Variants in SH3RF1 observed in about 807,000 individuals in gnomAD.
SH3RF1 encodes SH3 domain containing ring finger 1.
Under a neutral mutation model 74.0 loss-of-function variants are expected in SH3RF1, and 32 were observed. That is an observed-to-expected ratio of 0.43 (90% confidence interval 0.33 to 0.58). SH3RF1 has a LOEUF of 0.58. SH3RF1 is among the 20% of genes least tolerant of loss of function. SH3RF1 has a pLI of 0.05. For missense variants in SH3RF1, 954 were observed against 1,130.9 expected, an observed-to-expected ratio of 0.84 and a Z score of 2.24; for synonymous variants, 396 against 439.6, an observed-to-expected ratio of 0.90 and a Z score of 1.24.
chr4:169,137,343 C>T (rs1733717010), intron 4 of SH3RF1, among the ~76,000 whole-genome samples: 1 of 152,026 alleles, frequency 6.6e-6, no homozygotes, highest in South Asian at 2.1e-4. Flanking sequence ...TTAAGAGTAC[C>T]AGGGGTCAAA....
At chr4:169,177,671 A>G (rs1482500402) in intron 2 of SH3RF1, among the ~76,000 whole-genome samples, 1 of 152,204 alleles carries the variant, frequency 6.6e-6, no homozygotes, top group Non-Finnish European at 1.5e-5. Context: ...TGTCTGATCT[A>G]CTAATTTAAA....
chr4:169,244,507 C>T (rs1008554610), intron 2 of SH3RF1, among the ~76,000 whole-genome samples: 18 of 152,030 alleles, frequency 1.2e-4, no homozygotes, highest in African/African-American at 3.4e-4. Flanking sequence ...ACACACTACA[C>T]CGTCAATGGC....
At chr4:169,232,158 C>T (rs1730754104) in intron 2 of SH3RF1, among the ~76,000 whole-genome samples, 2 of 152,088 alleles carry the variant, frequency 1.3e-5, no homozygotes, top group Non-Finnish European at 2.9e-5. Context: ...CTAGTAAGCA[C>T]CTGTGAGGCA....
At chr4:169,188,659 C>T (rs1376538400) in intron 2 of SH3RF1, among the ~76,000 whole-genome samples, 1 of 152,152 alleles carries the variant, frequency 6.6e-6, no homozygotes, top group Admixed American at 6.5e-5. Flanking sequence ...GTAAAAACAT[C>T]GACACACTCA....
intron 2 of SH3RF1, among the ~76,000 whole-genome samples, chr4:169,192,309 T>A (rs1161349352): frequency 6.6e-6 from 1 of 151,054 alleles, no homozygotes; most frequent in Non-Finnish European, 1.5e-5. Flanking sequence ...ACATCACTAA[T>A]GATCAGGGAA....
chr4:169,116,040 G>A (rs1406288621), intron 10 of SH3RF1, among the ~76,000 whole-genome samples: 2 of 152,122 alleles, frequency 1.3e-5, no homozygotes, highest in African/African-American at 4.8e-5. Context: ...GGCAAGTAGT[G>A]GGCGTTTAAA....
rs368672969 is a variant in SH3RF1, at chr4:169,117,889, T to A, written c.1518-107A>T. The A allele has an allele frequency of 3.8e-5, 50 of 1,303,784 alleles. No homozygotes were observed. In the African/African-American group the frequency reaches 5.8e-4, roughly 15 times the overall value. The allele number at this position is 1,303,784 out of a possible 1,614,324, so 80.8% of individuals were successfully genotyped here. A position where few individuals can be genotyped will look rare whatever the true frequency, so the allele number is the denominator to read the frequency against. ...TCAGAGCTTTAAACATAGAACATTT[T>A]AAAAAATGAATGGAATTATTTTTAT... On this transcript the variant is annotated intron_variant, in intron 8 of 11. Transcript: ENST00000284637.
chr4:169,185,593 T>C (rs1734587357), intron 2 of SH3RF1, among the ~76,000 whole-genome samples: 1 of 152,088 alleles, frequency 6.6e-6, no homozygotes. Flanking sequence ...GGTGAAGGCC[T>C]AGGGTACCGA....
intron 2 of SH3RF1, among the ~76,000 whole-genome samples, chr4:169,221,141 T>C (rs545111502): frequency 2.0e-5 from 3 of 152,348 alleles, no homozygotes; most frequent in Admixed American, 2.0e-4. Context: ...TGCTCTCTAG[T>C]GAGCAAGAGT....
intron 2 of SH3RF1, among the ~76,000 whole-genome samples, chr4:169,203,459 G>C (rs564247484): frequency 6.6e-6 from 1 of 152,090 alleles, no homozygotes; most frequent in South Asian, 2.1e-4. Context: ...GCTGAAGTGG[G>C]AGGATGGTTT....
intron 4 of SH3RF1, among the ~76,000 whole-genome samples, chr4:169,141,492 C>T (rs73866251): frequency 0.01 from 1,538 of 152,180 alleles, 12 homozygotes; most frequent in African/African-American, 0.034. Context: ...TTTGAAGTAA[C>T]AAGGTGTATT....
intron 2 of SH3RF1, among the ~76,000 whole-genome samples, chr4:169,206,346 GT>G (rs1730260232): frequency 6.6e-6 from 1 of 152,160 alleles, no homozygotes; most frequent in Non-Finnish European, 1.5e-5. Flanking sequence ...CCACCTAGGA[GT>G]TTGCCAGCAC....
At chr4:169,264,005 C>T (rs919697231) in intron 2 of SH3RF1, among the ~76,000 whole-genome samples, 2 of 152,214 alleles carry the variant, frequency 1.3e-5, no homozygotes, top group African/African-American at 2.4e-5. Context: ...GGACCACTGC[C>T]AGTTTCTGGG....
intron 10 of SH3RF1, among the ~76,000 whole-genome samples, chr4:169,110,905 G>C (rs1733232393): frequency 6.6e-6 from 1 of 152,162 alleles, no homozygotes; most frequent in African/African-American, 2.4e-5. Flanking sequence ...GTAGAAAATG[G>C]AAGCACTTGG....
At chr4:169,221,851 G>A (rs1037215315) in intron 2 of SH3RF1, among the ~76,000 whole-genome samples, 6 of 152,058 alleles carry the variant, frequency 3.9e-5, no homozygotes, top group Non-Finnish European at 5.9e-5. Flanking sequence ...ATCCAAAATC[G>A]TTACACAGTA....
intron 2 of SH3RF1, among the ~76,000 whole-genome samples, chr4:169,218,137 TTATTA>T (rs1730495337): frequency 6.8e-6 from 1 of 147,736 alleles, no homozygotes; most frequent in Non-Finnish European, 1.5e-5. Context: ...GTAATATATA[TTATTA>T]TATATTGATT....
intron 2 of SH3RF1, among the ~76,000 whole-genome samples, chr4:169,248,175 A>T (rs1401787224): frequency 6.6e-6 from 1 of 152,238 alleles, no homozygotes; most frequent in African/African-American, 2.4e-5. Context: ...TCTACTATAA[A>T]GACACATGCA....
At chr4:169,184,437 G>A (rs1734570883) in intron 2 of SH3RF1, among the ~76,000 whole-genome samples, 1 of 152,228 alleles carries the variant, frequency 6.6e-6, no homozygotes, top group Admixed American at 6.5e-5. Flanking sequence ...AAGTCAGTCA[G>A]ACCCGGGCTT....
chr4:169,234,348 A>T (rs1023602388), intron 2 of SH3RF1, among the ~76,000 whole-genome samples: 1 of 152,122 alleles, frequency 6.6e-6, no homozygotes, highest in African/African-American at 2.4e-5. Context: ...TCAGTCTAAA[A>T]TGTCAAGAGT....
Sources: gnomAD v4.1 joint callset for allele counts (sites outside exome capture counted in the v4.1 genomes callset) on GRCh38, gnomAD v4.1.1 for gene constraint, MANE v1.5 for transcripts, NCBI Gene and HGNC (gene_info 2026-07-23, HGNC 2026-07-21) for gene names.